The following DIP2B variants were observed in gnomAD, a reference collection of about 807,000 sequenced individuals.
The protein encoded by DIP2B is DIP2 acetate--CoA ligase B (putative), also known as disco-interacting protein 2 homolog B.
In DIP2B, 76 loss-of-function variants were observed where a neutral mutation model predicts 198.0. The ratio of observed to expected loss-of-function variants is 0.38; its 90% CI spans 0.32 to 0.46. The LOEUF (loss-of-function observed/expected upper bound fraction) is 0.46, where lower values mean the gene tolerates loss of function less well. Among genes scored for constraint, DIP2B ranks in the 20% least tolerant of loss-of-function variants. The pLI is 0.99. For synonymous variants in DIP2B, 701 were observed against 739.1 expected, an observed-to-expected ratio of 0.95 and a Z score of 0.84; for missense variants, 1,559 against 1,978.4, an observed-to-expected ratio of 0.79 and a Z score of 4.02.
intron 1 of DIP2B, among the ~76,000 whole-genome samples, chr12:50,556,592 C>T (rs975925517): frequency 6.1e-5 from 9 of 147,956 alleles, no homozygotes; most frequent in Non-Finnish European, 8.9e-5. Flanking sequence ...CTCGCCCTGT[C>T]GCCCAGGCTG....
At position 50,652,089 on chromosome 12, in the gene DIP2B, C is replaced by T. The variant is rs192372812; in HGVS notation, c.302-8105C>T. Among the ~76,000 whole-genome samples, 5 of 151,622 alleles carry T rather than the reference C, an allele frequency of 3.3e-5. No individual in the cohort carries two copies. The East Asian group carries it at 5.9e-4, about 18-fold the overall frequency. On this transcript the variant is annotated intron_variant, in intron 3 of 37. Transcript: ENST00000301180. Reference sequence around the variant, plus strand: ...CGGCTGTTTGGAAGGCTGAGGCGGACGATCACGAAGTCAGGAATTTGAGAC... The same window carrying T: ...CGGCTGTTTGGAAGGCTGAGGCGGATGATCACGAAGTCAGGAATTTGAGAC...
chr12:50,621,976 T>C (rs1450070328), intron 1 of DIP2B, among the ~76,000 whole-genome samples: 2 of 152,182 alleles, frequency 1.3e-5, no homozygotes, highest in Non-Finnish European at 2.9e-5. Context: ...ATGCCAAATC[T>C]AACAGATTGT....
chr12:50,651,183 A>G (rs1938446155), intron 3 of DIP2B, among the ~76,000 whole-genome samples: 1 of 151,910 alleles, frequency 6.6e-6, no homozygotes, highest in Non-Finnish European at 1.5e-5. Context: ...ACTTGGGTTA[A>G]TTTTTTTTGT....
chr12:50,531,765 A>G (rs1958219262), intron 1 of DIP2B, among the ~76,000 whole-genome samples: 1 of 152,210 alleles, frequency 6.6e-6, no homozygotes, highest in African/African-American at 2.4e-5. Flanking sequence ...ATATATACAC[A>G]TTCATCTGTT....
At position 50,664,830 on chromosome 12, in the gene DIP2B, G is replaced by GTTTTTTTTTTTTTTTTTTTTT. The variant is rs1205734576; in HGVS notation, c.427+4516_427+4517insTTTTTTTTTTTTTTTTTTTTT. On this transcript the variant is annotated intron_variant, in intron 4 of 37. Transcript: ENST00000301180. Reference sequence around the variant, plus strand: ...CAAGGAGAATTTCCCTCCTTTTTTGGTTTTTGTTTTTTTTTTTTTTTTTTT... The same window carrying GTTTTTTTTTTTTTTTTTTTTT: ...CAAGGAGAATTTCCCTCCTTTTTTGGTTTTTTTTTTTTTTTTTTTTTTTTTTGTTTTTTTTTTTTTTTTTTT... Among the ~76,000 whole-genome samples the GTTTTTTTTTTTTTTTTTTTTT allele has an allele frequency of 2.0e-5, 2 of 99,686 alleles. 1 individual carries two copies. The highest frequency in any genetic ancestry group is 8.3e-5 in the African/African-American group (2 of 23,964). 65.4% of individuals were successfully genotyped at this position (99,686 alleles called of 152,430 possible).
At chr12:50,742,512 A>C (rs1327064705) in intron 37 of DIP2B, among the ~76,000 whole-genome samples, 2 of 151,464 alleles carry the variant, frequency 1.3e-5, no homozygotes, top group African/African-American at 4.9e-5. Flanking sequence ...ATTTTAGTGA[A>C]TATGTCCTTC....
At chr12:50,628,122 G>T (rs1937971927) in intron 2 of DIP2B, among the ~76,000 whole-genome samples, 2 of 152,172 alleles carry the variant, frequency 1.3e-5, no homozygotes, top group African/African-American at 4.8e-5. Flanking sequence ...TGTAATTCCA[G>T]TACTTTGGGA....
At chr12:50,733,153 G>T (rs1313440158) in intron 32 of DIP2B, among the ~76,000 whole-genome samples, 1 of 151,672 alleles carries the variant, frequency 6.6e-6, no homozygotes. Context: ...TGATCCAGCC[G>T]CCTCAGCCTC....
At chr12:50,735,782 G>A (rs747410526) in intron 34 of DIP2B, among the ~76,000 whole-genome samples, 5 of 152,144 alleles carry the variant, frequency 3.3e-5, no homozygotes, top group South Asian at 2.1e-4. Context: ...TCTTACAAAC[G>A]TCACAAGGAG....
chr12:50,609,882 C>G (rs958927974), intron 1 of DIP2B, among the ~76,000 whole-genome samples: 1 of 152,118 alleles, frequency 6.6e-6, no homozygotes, highest in Non-Finnish European at 1.5e-5. Flanking sequence ...TGTTAAAACA[C>G]CATGTTCATA....
At chr12:50,522,907 G>A (rs542770214) in intron 1 of DIP2B, among the ~76,000 whole-genome samples, 1 of 152,090 alleles carries the variant, frequency 6.6e-6, no homozygotes, top group Non-Finnish European at 1.5e-5. Flanking sequence ...ATATTGGCAG[G>A]GGAAGAATGG....
intron 1 of DIP2B, among the ~76,000 whole-genome samples, chr12:50,519,505 A>T (rs186716582): frequency 6.6e-6 from 1 of 152,230 alleles, no homozygotes; most frequent in African/African-American, 2.4e-5. Context: ...TTCTTCCTTG[A>T]ATTGAGATGG....
chr12:50,568,650 T>C (rs1374741765), intron 1 of DIP2B, among the ~76,000 whole-genome samples: 2 of 152,188 alleles, frequency 1.3e-5, no homozygotes, highest in African/African-American at 4.8e-5. Context: ...AGTTTTGACT[T>C]ACCTCTTCTA....
chr12:50,618,479 C>G (rs777791003), intron 1 of DIP2B, among the ~76,000 whole-genome samples: 2 of 152,228 alleles, frequency 1.3e-5, no homozygotes, highest in African/African-American at 2.4e-5. Context: ...CTCAGTGTCT[C>G]TCTCTCCTGA....
chr12:50,601,681 A>G (rs551811275), intron 1 of DIP2B, among the ~76,000 whole-genome samples: 2 of 150,894 alleles, frequency 1.3e-5, no homozygotes, highest in South Asian at 2.1e-4. Flanking sequence ...TTTTTTTTGT[A>G]TTTGGTTTTT....
intron 34 of DIP2B, among the ~76,000 whole-genome samples, chr12:50,735,358 A>G (rs1313121902): frequency 2.0e-5 from 3 of 152,054 alleles, no homozygotes; most frequent in Non-Finnish European, 4.4e-5. Context: ...TCCAACTGAC[A>G]TGTTATTCTT....
intron 1 of DIP2B, among the ~76,000 whole-genome samples, chr12:50,613,882 A>G (rs1454558896): frequency 6.6e-6 from 1 of 152,190 alleles, no homozygotes; most frequent in Non-Finnish European, 1.5e-5. Context: ...TGTTGGGCCC[A>G]TGTCCCACTA....
At chr12:50,678,577 G>A (rs1385476738) in intron 7 of DIP2B, 102 bp from the exon 8 acceptor site, 7 of 1,278,024 alleles carry the variant, frequency 5.5e-6, no homozygotes, top group Admixed American at 2.4e-5. Flanking sequence ...TTTAAACCAG[G>A]TAAATATGAA....
intron 1 of DIP2B, among the ~76,000 whole-genome samples, chr12:50,520,435 G>C (rs1958107301): frequency 6.6e-6 from 1 of 152,216 alleles, no homozygotes; most frequent in Non-Finnish European, 1.5e-5. Flanking sequence ...CAAAGACACT[G>C]TCTTAAAATT....
Sources: gnomAD v4.1 joint callset for allele counts (sites outside exome capture counted in the v4.1 genomes callset) on GRCh38, gnomAD v4.1.1 for gene constraint, MANE v1.5 for transcripts, NCBI Gene and HGNC (gene_info 2026-07-23, HGNC 2026-07-21) for gene names.